The following NACC2 variants were observed in gnomAD, a reference collection of about 807,000 sequenced individuals.
NACC2 encodes the protein NACC family member 2, also known as nucleus accumbens-associated protein 2.
NACC2 carries 8 observed loss-of-function variants against 25.1 expected under a neutral mutation model. That is an observed-to-expected ratio of 0.32 (90% confidence interval 0.19 to 0.57). The LOEUF is 0.57. NACC2 is among the 20% of genes least tolerant of loss of function. The pLI is 0.89. For missense variants in NACC2, 644 were observed against 650.2 expected, an observed-to-expected ratio of 0.99 and a Z score of 0.10; for synonymous variants, 435 against 294.7, an observed-to-expected ratio of 1.48 and a Z score of -4.88.
rs1263990198 is a variant in NACC2, at chr9:136,055,411, C to G, written c.-59-4831G>C. On this transcript the variant is annotated intron_variant, in intron 1 of 5. Transcript: ENST00000277554. This position sits in a 1 kb window ranked among gnomAD's most constrained non-coding sequence, Gnocchi z 4.9. ...AGGTACAAGACCCCTGAAAGCATCC[C>G]CCAGGCCAGAGGACTGGGACAGGGA... 6.6e-6 allele frequency among the ~76,000 whole-genome samples: 1 copy of G among 152,132 alleles called. No homozygotes were observed. The highest frequency in any genetic ancestry group is 2.4e-5 in the African/African-American group (1 of 41,432).
At chr9:136,071,488 A>G (rs958416004) in intron 1 of NACC2, among the ~76,000 whole-genome samples, 2 of 144,898 alleles carry the variant, frequency 1.4e-5, no homozygotes, top group Non-Finnish European at 3.0e-5. Flanking sequence ...GGTTGTACTG[A>G]GCTGAAACCA....
At chr9:136,072,392 A>C (rs1304266192) in intron 1 of NACC2, among the ~76,000 whole-genome samples, 3 of 152,194 alleles carry the variant, frequency 2.0e-5, no homozygotes, top group African/African-American at 7.2e-5. Flanking sequence ...ATGAAAATAC[A>C]AAATTAGCCG....
At chr9:136,048,222 G>T (rs1261316129) in intron 2 of NACC2, among the ~76,000 whole-genome samples, 9 of 152,210 alleles carry the variant, frequency 5.9e-5, no homozygotes, top group African/African-American at 2.2e-4. Context: ...CCCTGGGTGG[G>T]CCTTGGGAGC....
Position 136,094,020 on chromosome 9 carries a change from G to A in NACC2, c.-60+1169C>T, listed in dbSNP as rs77731760. On this transcript the variant is annotated intron_variant, in intron 1 of 5. Transcript: ENST00000277554. ...CCTGGAGGGACACGGACTCTGGCAG[G>A]AGAGTGCGGCCGCGCTGGCGGGCGG... Among the ~76,000 whole-genome samples, 268 of 152,384 alleles carry A rather than the reference G, an allele frequency of 1.8e-3. 1 individual carries two copies. Among genetic ancestry groups the A allele is most frequent in the Non-Finnish European group, 3.0e-3 (206 of 68,032 alleles).
intron 2 of NACC2, among the ~76,000 whole-genome samples, chr9:136,044,921 G>A (rs1254173985): frequency 6.6e-6 from 1 of 152,196 alleles, no homozygotes; most frequent in Admixed American, 6.5e-5. Context: ...GCCGGGGGAT[G>A]GACGGGGCCA....
At chr9:136,038,545 G>C (rs1034901654) in intron 2 of NACC2, among the ~76,000 whole-genome samples, 76 of 152,128 alleles carry the variant, frequency 5.0e-4, no homozygotes, top group Non-Finnish European at 7.4e-4. Flanking sequence ...GTCTCAAAAA[G>C]TAATAATAAT....
In NACC2 at chr9:136,013,550, C is replaced by T. The variant is rs1029399921; in HGVS notation, c.1158-254G>A. ...GCCTTGTCCTCAGGGACTCCGGGGA[C>T]GTCTGAGGAAGCCGCTGTGTCCTCG... On this transcript the variant is annotated intron_variant, in intron 4 of 5. Coordinates refer to ENST00000277554, the MANE Select transcript of NACC2 (RefSeq NM_144653.5). This position sits in a 1 kb window ranked among gnomAD's most constrained non-coding sequence, Gnocchi z 6.6. 5.3e-5 allele frequency among the ~76,000 whole-genome samples: 8 copies of T among 152,314 alleles called. No homozygotes were observed. The highest frequency in any genetic ancestry group is 1.2e-4 in the African/African-American group (5 of 41,556).
chr9:136,087,611 C>T (rs1266706204), intron 1 of NACC2, among the ~76,000 whole-genome samples: 1 of 152,224 alleles, frequency 6.6e-6, no homozygotes, highest in Non-Finnish European at 1.5e-5. Flanking sequence ...CCTAGACCTT[C>T]CTGGTGACCA....
At chr9:136,061,369 T>G (rs1841008245) in intron 1 of NACC2, among the ~76,000 whole-genome samples, 1 of 151,810 alleles carries the variant, frequency 6.6e-6, no homozygotes, top group African/African-American at 2.4e-5. Context: ...GGCACAGCCC[T>G]CAGATAGAGG....
In NACC2 at chr9:136,011,275, A is replaced by G; in HGVS notation, c.*241T>C. On this transcript the variant is annotated 3_prime_UTR_variant, in exon 6 of 6. Transcript: ENST00000277554. Reference sequence around the variant, plus strand: ...GCTACACTTGGAGGCTGACCTTGTGAATATCAAAAGGGAGCCCTGGGAACT... The same window carrying G: ...GCTACACTTGGAGGCTGACCTTGTGGATATCAAAAGGGAGCCCTGGGAACT... The G allele has an allele frequency of 2.9e-6, 1 of 350,104 alleles. No homozygotes were observed. Among genetic ancestry groups the G allele is most frequent in the Non-Finnish European group, 4.9e-6 (1 of 202,644 alleles). 21.7% of individuals were successfully genotyped at this position (350,104 alleles called of 1,614,324 possible).
intron 1 of NACC2, among the ~76,000 whole-genome samples, chr9:136,076,700 A>G (rs1030723577): frequency 6.6e-6 from 1 of 152,156 alleles, no homozygotes; most frequent in African/African-American, 2.4e-5. Context: ...TGTTGTGTAT[A>G]TTTGACTACA....
In NACC2 at chr9:136,029,922, G is replaced by A. The variant is rs569441347; in HGVS notation, c.887-13493C>T. On this transcript the variant is annotated intron_variant, in intron 2 of 5. Coordinates refer to ENST00000277554, the MANE Select transcript of NACC2 (RefSeq NM_144653.5). ...CCTGGCACAGCCTGCTGGGCCGAACGGGTGGAATGAGCCCAGCAGGCACGA... is the reference window on the plus strand; with the variant it reads ...CCTGGCACAGCCTGCTGGGCCGAACAGGTGGAATGAGCCCAGCAGGCACGA... 1.2e-3 allele frequency among the ~76,000 whole-genome samples: 176 copies of A among 152,310 alleles called. 1 individual carries two copies. Among genetic ancestry groups the A allele is most frequent in the African/African-American group, 4.1e-3 (169 of 41,568 alleles).
chr9:136,093,211 A>C (rs1321958414), intron 1 of NACC2, among the ~76,000 whole-genome samples: 1 of 152,224 alleles, frequency 6.6e-6, no homozygotes, highest in African/African-American at 2.4e-5. Context: ...AGGACTCCGG[A>C]GGCAGAGGCC....
At position 136,009,263 on chromosome 9, in the gene NACC2, C is replaced by G. The variant is rs1010074422; in HGVS notation, c.*2253G>C. The G allele has an allele frequency of 6.6e-6, 1 of 152,362 alleles. No individual in the cohort carries two copies. The highest frequency in any genetic ancestry group is 2.4e-5 in the African/African-American group (1 of 41,472). The allele number at this position is 152,362 out of a possible 1,614,324, so 9.4% of individuals were successfully genotyped here. A position where few individuals can be genotyped will look rare whatever the true frequency, so the allele number is the denominator to read the frequency against. On this transcript the variant is annotated 3_prime_UTR_variant, in exon 6 of 6. Transcript: ENST00000277554. The stretch of plus-strand genomic sequence containing the variant: ...CCACCCCGCGGCTTCCTCCCATCTC[C>G]GAGGAAGGCTTGGTCCAGGTTCCCA...
intron 1 of NACC2, among the ~76,000 whole-genome samples, chr9:136,073,803 G>A (rs1434256917): frequency 6.6e-6 from 1 of 152,200 alleles, no homozygotes; most frequent in Non-Finnish European, 1.5e-5. Context: ...ATCCTCTACT[G>A]CCAAGTACTG....
chr9:136,031,324 C>CTCATTCAT (rs140651085), intron 2 of NACC2, among the ~76,000 whole-genome samples: 7,821 of 150,660 alleles, frequency 0.052, 396 homozygotes, highest in African/African-American at 0.13. Flanking sequence ...ACTCCACAGC[C>CTCATTCAT]TCATTCATTC....
intron 2 of NACC2, among the ~76,000 whole-genome samples, chr9:136,039,970 C>G (rs1187033660): frequency 3.3e-5 from 5 of 152,092 alleles, no homozygotes; most frequent in Non-Finnish European, 7.4e-5. Flanking sequence ...GTAGGAAATG[C>G]CAAGGAATTT....
intron 5 of NACC2, among the ~76,000 whole-genome samples, chr9:136,012,916 GT>G (rs1336173071): frequency 1.3e-5 from 2 of 152,356 alleles, no homozygotes; most frequent in East Asian, 1.9e-4. Flanking sequence ...TAAATAAGGG[GT>G]TTTGTTCAAA....
At chr9:136,028,486 C>A (rs1205038870) in intron 2 of NACC2, among the ~76,000 whole-genome samples, 2 of 148,110 alleles carry the variant, frequency 1.4e-5, no homozygotes, top group African/African-American at 2.5e-5. Flanking sequence ...AGCAATTTTT[C>A]TGCCTCAGCC....
Sources: allele counts gnomAD v4.1 joint callset (sites outside exome capture counted in the v4.1 genomes callset), GRCh38; gene constraint gnomAD v4.1.1; non-coding constraint Gnocchi (gnomAD v3.1); transcripts MANE v1.5; gene names NCBI Gene and HGNC (gene_info 2026-07-23, HGNC 2026-07-21).